Variants in CDC42BPA observed in about 807,000 individuals in gnomAD.
The protein encoded by CDC42BPA is serine/threonine-protein kinase MRCK alpha.
In CDC42BPA, 80 loss-of-function variants were observed where a neutral mutation model predicts 223.5. The observed-to-expected ratio is 0.36, with a 90% CI of 0.30 to 0.43. The LOEUF (loss-of-function observed/expected upper bound fraction) is 0.43, where lower values mean the gene tolerates loss of function less well. Among genes scored for constraint, CDC42BPA ranks in the 20% least tolerant of loss-of-function variants. The probability of loss-of-function intolerance (pLI) is 1.00; values close to 1 mark genes in which losing one functional copy is unlikely to be tolerated. For synonymous variants in CDC42BPA, 694 were observed against 718.6 expected (o/e 0.97, Z 0.55); for missense variants, 1,743 against 2,099.9 (o/e 0.83, Z 3.32).
At chr1:227,251,865 T>A (rs1682069951) in intron 2 of CDC42BPA, among the ~76,000 whole-genome samples, 1 of 152,114 alleles carries the variant, frequency 6.6e-6, no homozygotes, top group African/African-American at 2.4e-5. Flanking sequence ...TCTAACCACT[T>A]TTAAATTACA....
At chr1:227,175,578 G>A (rs975641168) in intron 5 of CDC42BPA, among the ~76,000 whole-genome samples, 1 of 152,022 alleles carries the variant, frequency 6.6e-6, no homozygotes, top group Admixed American at 6.6e-5. Context: ...GCTGGTACAG[G>A]TACATTATGC....
chr1:227,028,820 T>A lies in CDC42BPA; in HGVS notation c.4269A>T (p.Thr1423=). 6.2e-7 allele frequency: 1 copy of A among 1,614,120 alleles called. No individual in the cohort carries two copies. The highest frequency in any genetic ancestry group is 1.1e-5 in the South Asian group (1 of 91,070). The change falls in exon 30 of 37, where the codon ACA becomes ACT. Residue 1423 remains threonine (T), a synonymous_variant. Coordinates refer to ENST00000366766, the MANE Select transcript of CDC42BPA (RefSeq NM_001394014.1). ...PYSMLHSNDH[T]LSFIAHQPMD... ...TTGGTTGATGTGCAATAAATGATAG[T>A]GTATGGTCATTTGAATGGAGCATAC...
chr1:227,316,916 G>T, intron 1 of CDC42BPA, 89 bp downstream of exon 1: 3 of 910,852 alleles, frequency 3.3e-6, no homozygotes, highest in South Asian at 1.6e-5. Flanking sequence ...TTCTTTGAAC[G>T]GAGTAGAGTT....
intron 3 of CDC42BPA, among the ~76,000 whole-genome samples, chr1:227,201,599 GT>G (rs965326213): frequency 6.6e-6 from 1 of 152,004 alleles, no homozygotes; most frequent in East Asian, 1.9e-4. Flanking sequence ...GTGTGCAGAG[GT>G]TACCATTATT....
intron 10 of CDC42BPA, among the ~76,000 whole-genome samples, chr1:227,132,996 G>A (rs1244486832): frequency 6.6e-6 from 1 of 151,904 alleles, no homozygotes; most frequent in African/African-American, 2.4e-5. Context: ...TCTGGGAAGT[G>A]AGGAGCATCT....
chr1:227,155,921 T>C (rs1347108270), intron 6 of CDC42BPA, among the ~76,000 whole-genome samples: 2 of 152,036 alleles, frequency 1.3e-5, no homozygotes, highest in South Asian at 4.1e-4. Context: ...GGTAGGATAG[T>C]ATGAGTTAGT....
chr1:227,112,844 T>TCA lies in CDC42BPA; in HGVS notation c.1716_1717insTG (p.Lys573Ter), dbSNP rs1687154072. The TCA allele has an allele frequency of 1.9e-6, 3 of 1,614,006 alleles. No homozygotes were observed. Among genetic ancestry groups the TCA allele is most frequent in the Non-Finnish European group, 1.7e-6 (2 of 1,179,982 alleles). ...TCCATGAATTCCTGCATGGCCAGTTTCCTCTGACAGTGTGCGTCTTTCAGC... is the reference window on the plus strand; with the variant it reads ...TCCATGAATTCCTGCATGGCCAGTTTCACCTCTGACAGTGTGCGTCTTTCAGC... On this transcript the variant is annotated frameshift_variant, in exon 13 of 37. Transcript: ENST00000366766. LOFTEE classifies it high-confidence loss of function.
chr1:227,039,712 GA>G (rs946500858), intron 24 of CDC42BPA, among the ~76,000 whole-genome samples: 138 of 143,572 alleles, frequency 9.6e-4, no homozygotes, highest in Admixed American at 1.5e-3. Context: ...GATGTTAGGG[GA>G]AAAAAAAAAA....
chr1:227,311,604 T>C lies in CDC42BPA; in HGVS notation c.178+5401A>G, dbSNP rs549885150. 3.3e-5 allele frequency among the ~76,000 whole-genome samples: 5 copies of C among 152,006 alleles called. No individual in the cohort carries two copies. The South Asian group carries it at 1.0e-3, about 32-fold the overall frequency. On this transcript the variant is annotated intron_variant, in intron 1 of 36. Transcript: ENST00000366766. The stretch of plus-strand genomic sequence containing the variant: ...GACAATCAATCAAAGTCAATGCCCA[T>C]TAGCCCAAACTCAGAAACGGAAAAA...
At chr1:227,177,111 T>C (rs533989283) in intron 5 of CDC42BPA, among the ~76,000 whole-genome samples, 1 of 106,434 alleles carries the variant, frequency 9.4e-6, no homozygotes, top group African/African-American at 4.0e-5. Flanking sequence ...TAAAGCCATA[T>C]ATTTTAAAGA....
chr1:227,157,955 C>CTTTTTTT (rs59212512), intron 6 of CDC42BPA, among the ~76,000 whole-genome samples: 4 of 145,012 alleles, frequency 2.8e-5, no homozygotes, highest in African/African-American at 2.5e-5. Context: ...ATTTTTATAA[C>CTTTTTTT]TTTTTTTTTT....
At chr1:227,002,033 C>A (rs1483846487) in intron 35 of CDC42BPA, among the ~76,000 whole-genome samples, 3 of 152,212 alleles carry the variant, frequency 2.0e-5, no homozygotes, top group Non-Finnish European at 4.4e-5. Flanking sequence ...TACATTTATT[C>A]CTATATTTAC....
At position 227,255,482 on chromosome 1, in the gene CDC42BPA, A is replaced by G. The variant is rs982005670; in HGVS notation, c.179-1327T>C. On this transcript the variant is annotated intron_variant, in intron 1 of 36. Transcript: ENST00000366766. ...GATTTCTATCTGGAATTGACACAACAGAGAAGAGAAAGAGAAAAAAATTAG... is the reference window on the plus strand; with the variant it reads ...GATTTCTATCTGGAATTGACACAACGGAGAAGAGAAAGAGAAAAAAATTAG... 4.6e-5 allele frequency among the ~76,000 whole-genome samples: 7 copies of G among 151,846 alleles called. No individual in the cohort carries two copies. In the East Asian group the frequency reaches 1.3e-3, roughly 29 times the overall value.
chr1:227,262,248 A>G (rs1684205378), intron 1 of CDC42BPA, among the ~76,000 whole-genome samples: 1 of 152,194 alleles, frequency 6.6e-6, no homozygotes, highest in Non-Finnish European at 1.5e-5. Flanking sequence ...AACCAAGTAA[A>G]ACAAGAAATG....
intron 4 of CDC42BPA, 63 bp downstream of exon 4, chr1:227,199,494 T>A (rs750318834): frequency 2.4e-5 from 23 of 961,494 alleles, no homozygotes; most frequent in Non-Finnish European, 3.8e-5. Flanking sequence ...AATGCTTAAA[T>A]AAAAATAATG....
At chr1:227,207,221 T>C (rs1672913153) in intron 3 of CDC42BPA, among the ~76,000 whole-genome samples, 2 of 151,166 alleles carry the variant, frequency 1.3e-5, no homozygotes, top group African/African-American at 2.4e-5. Flanking sequence ...CTGAGAATGA[T>C]GGTTTCCAGT....
chr1:227,181,630 C>T (rs1667955124), intron 5 of CDC42BPA, among the ~76,000 whole-genome samples: 1 of 152,124 alleles, frequency 6.6e-6, no homozygotes, highest in Non-Finnish European at 1.5e-5. Flanking sequence ...TCTATTATAA[C>T]AGTTAATCTT....
Position 226,993,650 on chromosome 1 carries a change from CTT to C in CDC42BPA, c.*616_*617del, listed in dbSNP as rs1226359953. On this transcript the variant is annotated 3_prime_UTR_variant, in exon 37 of 37. Coordinates refer to ENST00000366766, the MANE Select transcript of CDC42BPA (RefSeq NM_001394014.1). ...TATTTCTTTAAATTAAATCATCTCT[CTT>C]ATATATGCATCCATCTTTTGTTGAA... The C allele has an allele frequency of 6.5e-6, 1 of 152,678 alleles. No homozygotes were observed. Among genetic ancestry groups the C allele is most frequent in the East Asian group, 1.9e-4 (1 of 5,198 alleles). The allele number at this position is 152,678 out of a possible 1,614,324, so 9.5% of individuals were successfully genotyped here.
At chr1:227,137,626 A>T (rs1658844596) in intron 10 of CDC42BPA, among the ~76,000 whole-genome samples, 1 of 151,870 alleles carries the variant, frequency 6.6e-6, no homozygotes, top group Non-Finnish European at 1.5e-5. Flanking sequence ...TACCAACAAC[A>T]GACTGGGTAA....
Sources: allele counts gnomAD v4.1 joint callset (sites outside exome capture counted in the v4.1 genomes callset), GRCh38; gene constraint gnomAD v4.1.1; transcripts MANE v1.5; gene names NCBI Gene and HGNC (gene_info 2026-07-23, HGNC 2026-07-21).